Variants in KCNH7 observed in about 807,000 individuals in gnomAD.
KCNH7 encodes voltage-gated inwardly rectifying potassium channel KCNH7.
A neutral mutation model predicts 120.8 loss-of-function variants in KCNH7; 49 were observed. The ratio of observed to expected loss-of-function variants is 0.41; its 90% CI spans 0.32 to 0.51. The LOEUF (loss-of-function observed/expected upper bound fraction) is 0.51, where lower values mean the gene tolerates loss of function less well. KCNH7 is among the 20% of genes least tolerant of loss of function. The pLI, the probability that KCNH7 is intolerant of heterozygous loss-of-function variation, is 0.38. For synonymous variants in KCNH7, 547 were observed against 516.1 expected (o/e 1.06, Z -0.81); for missense variants, 1,097 against 1,446.6 (o/e 0.76, Z 3.92).
At chr2:162,530,978 T>C (rs1350369162) in intron 3 of KCNH7, among the ~76,000 whole-genome samples, 1 of 151,956 alleles carries the variant, frequency 6.6e-6, no homozygotes, top group Non-Finnish European at 1.5e-5. Flanking sequence ...ATCTAGGTCA[T>C]ATAATGACAG....
At chr2:162,459,006 A>AAAATAATAATAATAAT (rs1553478954) in intron 6 of KCNH7, among the ~76,000 whole-genome samples, 2 of 116,274 alleles carry the variant, frequency 1.7e-5, no homozygotes, top group African/African-American at 3.5e-5. Flanking sequence ...ATTCTGTTTC[A>AAAATAATAATAATAAT]AAATAATAAT....
At chr2:162,394,346 A>G (rs1273734905) in intron 12 of KCNH7, 43 bp downstream of exon 12, 2 of 1,104,032 alleles carry the variant, frequency 1.8e-6, no homozygotes, top group Non-Finnish European at 2.8e-6. Flanking sequence ...AAGGCTAATT[A>G]CCACATGCTC....
chr2:162,520,486 A>C (rs144523782), intron 3 of KCNH7, among the ~76,000 whole-genome samples: 146 of 151,950 alleles, frequency 9.6e-4, no homozygotes, highest in Non-Finnish European at 1.9e-3. Flanking sequence ...GAAGATGGGC[A>C]CAGTGGCTTA....
chr2:162,527,774 C>T (rs1691764319), intron 3 of KCNH7: 1 of 151,642 alleles, frequency 6.6e-6, no homozygotes, highest in African/African-American at 2.4e-5. Flanking sequence ...TCCTTTAATC[C>T]TTAATAAGAT....
chr2:162,809,432 G>T (rs979055136), intron 2 of KCNH7, among the ~76,000 whole-genome samples: 1 of 152,042 alleles, frequency 6.6e-6, no homozygotes, highest in African/African-American at 2.4e-5. Context: ...AGAAATTATT[G>T]TTCTGCCTCT....
At chr2:162,590,833 G>C (rs1484599955) in intron 2 of KCNH7, among the ~76,000 whole-genome samples, 3 of 151,986 alleles carry the variant, frequency 2.0e-5, no homozygotes, top group Non-Finnish European at 2.9e-5. Flanking sequence ...ACATCTGTTA[G>C]AGTAATTTTT....
At chr2:162,484,710 T>C (rs556117234) in intron 6 of KCNH7, among the ~76,000 whole-genome samples, 1 of 152,286 alleles carries the variant, frequency 6.6e-6, no homozygotes, top group African/African-American at 2.4e-5. Context: ...GGCAGATCCC[T>C]CATGAATGGC....
In KCNH7 at chr2:162,741,344, T is replaced by TATTAATAACATATGTTATTAATTAC. The variant is rs1167720478; in HGVS notation, c.307+95192_307+95193insGTAATTAATAACATATGTTATTAAT. ...TATTAATAACATATGTTATTAATTA[T>TATTAATAACATATGTTATTAATTAC]ACATATTAATAACATGCTATTTTCA... is the stretch of plus-strand genomic sequence containing the variant. On this transcript the variant is annotated intron_variant, in intron 2 of 15. Transcript: ENST00000332142. Among the ~76,000 whole-genome samples the TATTAATAACATATGTTATTAATTAC allele has an allele frequency of 1.6e-3, 235 of 144,388 alleles. 1 individual carries two copies. The highest frequency in any genetic ancestry group is 8.0e-3 in the East Asian group (33 of 4,116). The allele number at this position is 144,388 out of a possible 152,430, so 94.7% of individuals were successfully genotyped here.
chr2:162,648,917 T>G (rs1317095159), intron 2 of KCNH7, among the ~76,000 whole-genome samples: 1 of 152,202 alleles, frequency 6.6e-6, no homozygotes, highest in Non-Finnish European at 1.5e-5. Flanking sequence ...TTATAACCAT[T>G]TTAAGCACTC....
At chr2:162,383,734 T>C (rs1686493004) in intron 13 of KCNH7, among the ~76,000 whole-genome samples, 3 of 152,012 alleles carry the variant, frequency 2.0e-5, no homozygotes, top group South Asian at 2.1e-4. Context: ...TCCAGGGATA[T>C]ATTAAATTAT....
intron 6 of KCNH7, among the ~76,000 whole-genome samples, chr2:162,479,043 G>A (rs962640529): frequency 2.0e-5 from 3 of 151,868 alleles, no homozygotes; most frequent in Non-Finnish European, 4.4e-5. Flanking sequence ...ACGAGGGAGG[G>A]GAGAGAGGTA....
intron 2 of KCNH7, among the ~76,000 whole-genome samples, chr2:162,742,048 C>A (rs2105412211): frequency 6.6e-6 from 1 of 152,188 alleles, no homozygotes. Context: ...TCTTTAAGAG[C>A]AGGAGATGAT....
intron 9 of KCNH7, among the ~76,000 whole-genome samples, chr2:162,415,039 T>C (rs1470062137): frequency 4.6e-5 from 7 of 152,072 alleles, no homozygotes; most frequent in Non-Finnish European, 8.8e-5. Context: ...TCATGCCGTA[T>C]ATTTAACAAT....
chr2:162,524,048 C>G (rs1470903917), intron 3 of KCNH7, among the ~76,000 whole-genome samples: 2 of 151,850 alleles, frequency 1.3e-5, no homozygotes, highest in East Asian at 3.9e-4. Context: ...GATCTGTCCC[C>G]TCACAAAGGG....
chr2:162,382,232 A>C (rs1159757338), intron 13 of KCNH7, among the ~76,000 whole-genome samples: 1 of 152,078 alleles, frequency 6.6e-6, no homozygotes, highest in Non-Finnish European at 1.5e-5. Context: ...AAAAATAATT[A>C]CCTTATCAGA....
At chr2:162,553,720 A>G (rs1413119443) in intron 2 of KCNH7, among the ~76,000 whole-genome samples, 2 of 152,188 alleles carry the variant, frequency 1.3e-5, no homozygotes, top group Non-Finnish European at 2.9e-5. Context: ...GAAACTAACT[A>G]GAAACAAAAG....
chr2:162,816,989 G>A (rs1416296125), intron 2 of KCNH7, among the ~76,000 whole-genome samples: 1 of 151,914 alleles, frequency 6.6e-6, no homozygotes, highest in Non-Finnish European at 1.5e-5. Flanking sequence ...TCCTTTATAC[G>A]CATTTATTTG....
At chr2:162,443,232 A>T (rs1383609589) in intron 7 of KCNH7, among the ~76,000 whole-genome samples, 1 of 152,122 alleles carries the variant, frequency 6.6e-6, no homozygotes, top group East Asian at 1.9e-4. Flanking sequence ...AATTTAATGG[A>T]TCTCATTTCT....
At chr2:162,499,529 G>T (rs1420950958) in intron 6 of KCNH7, among the ~76,000 whole-genome samples, 2 of 152,090 alleles carry the variant, frequency 1.3e-5, no homozygotes, top group African/African-American at 4.8e-5. Context: ...AAGGTGAGAT[G>T]AAATATGGCA....
Sources: gnomAD v4.1 joint callset for allele counts (sites outside exome capture counted in the v4.1 genomes callset) on GRCh38, gnomAD v4.1.1 for gene constraint, MANE v1.5 for transcripts, NCBI Gene and HGNC (gene_info 2026-07-23, HGNC 2026-07-21) for gene names.